CPNE8: variants seen among roughly 807,000 people sequenced by gnomAD.
CPNE8 encodes copine-8.
A neutral mutation model predicts 81.5 loss-of-function variants in CPNE8; 45 were observed. The ratio of observed to expected loss-of-function variants is 0.55; its 90% CI spans 0.44 to 0.71. CPNE8 has a LOEUF of 0.71. Among genes scored for constraint, CPNE8 ranks in the 30% least tolerant of loss-of-function variants. CPNE8 has a pLI of 0.00. For missense variants in CPNE8, 594 were observed against 672.1 expected, an observed-to-expected ratio of 0.88 and a Z score of 1.28; for synonymous variants, 252 against 226.3, an observed-to-expected ratio of 1.11 and a Z score of -1.02.
intron 15 of CPNE8, among the ~76,000 whole-genome samples, chr12:38,691,311 C>A (rs1036420322): frequency 6.6e-6 from 1 of 152,028 alleles, no homozygotes; most frequent in African/African-American, 2.4e-5. Context: ...CTTTTCTCAC[C>A]GTTGGTAATG....
At chr12:38,883,855 G>C (rs964501960) in intron 1 of CPNE8, among the ~76,000 whole-genome samples, 1 of 152,116 alleles carries the variant, frequency 6.6e-6, no homozygotes, top group East Asian at 1.9e-4. Flanking sequence ...ATATTCTGTT[G>C]ACAGTGTCTA....
intron 6 of CPNE8, among the ~76,000 whole-genome samples, chr12:38,805,653 G>C: frequency 1.8e-5 from 1 of 56,166 alleles, no homozygotes; most frequent in East Asian, 1.2e-3. Context: ...CTAAAACTTA[G>C]AGTATAATAA....
intron 1 of CPNE8, among the ~76,000 whole-genome samples, chr12:38,894,774 G>A (rs1472731185): frequency 6.6e-6 from 1 of 151,340 alleles, no homozygotes; most frequent in Non-Finnish European, 1.5e-5. Flanking sequence ...AAAAATGTTT[G>A]TGTTACTTTC....
chr12:38,888,801 T>C (rs1299878597), intron 1 of CPNE8, among the ~76,000 whole-genome samples: 1 of 152,224 alleles, frequency 6.6e-6, no homozygotes, highest in East Asian at 1.9e-4. Flanking sequence ...GCATAGGCAA[T>C]TGCTTCGCTA....
intron 6 of CPNE8, among the ~76,000 whole-genome samples, chr12:38,787,097 C>T (rs1170169839): frequency 6.6e-6 from 1 of 152,032 alleles, no homozygotes; most frequent in Non-Finnish European, 1.5e-5. Flanking sequence ...TATAGATAGA[C>T]CAAATGAACC....
chr12:38,897,639 T>A (rs1479490283), intron 1 of CPNE8, among the ~76,000 whole-genome samples: 1 of 150,336 alleles, frequency 6.7e-6, no homozygotes, highest in African/African-American at 2.4e-5. Flanking sequence ...ACACTATTAA[T>A]ATATTACATA....
intron 6 of CPNE8, among the ~76,000 whole-genome samples, chr12:38,816,892 G>C (rs1943033028): frequency 2.0e-5 from 3 of 152,166 alleles, no homozygotes; most frequent in Admixed American, 1.3e-4. Flanking sequence ...ACAGTGAAAT[G>C]TCAAGATTAT....
rs185830312 is a variant in CPNE8 at position 38,722,587 on chromosome 12, G to A, written c.914+1185C>T. The stretch of plus-strand genomic sequence containing the variant: ...GAATCATAATTAGGAAGAGGTTTAC[G>A]TGAGTGATATCTCTGACTGTTATTC... On this transcript the variant is annotated intron_variant, in intron 13 of 19. Coordinates refer to ENST00000331366, the MANE Select transcript of CPNE8 (RefSeq NM_153634.3). Among the ~76,000 whole-genome samples the A allele has an allele frequency of 1.4e-4, 21 of 152,280 alleles. No homozygotes were observed. In the East Asian group the frequency reaches 3.7e-3, roughly 27 times the overall value.
intron 3 of CPNE8, among the ~76,000 whole-genome samples, chr12:38,858,915 C>T (rs1221901212): frequency 6.6e-6 from 1 of 152,148 alleles, no homozygotes; most frequent in Non-Finnish European, 1.5e-5. Flanking sequence ...ATTCTACAAC[C>T]TTTCTTGATG....
chr12:38,672,175 C>T (rs1349201866), intron 18 of CPNE8, among the ~76,000 whole-genome samples: 1 of 152,140 alleles, frequency 6.6e-6, no homozygotes, highest in Non-Finnish European at 1.5e-5. Context: ...TTACCCTATA[C>T]ACATGCTAAA....
intron 10 of CPNE8, among the ~76,000 whole-genome samples, chr12:38,730,991 T>C (rs1450000303): frequency 6.6e-6 from 1 of 151,862 alleles, no homozygotes; most frequent in Non-Finnish European, 1.5e-5. Context: ...TGAGTAAACA[T>C]GTATTAGTTC....
chr12:38,757,041 A>T (rs927894888), intron 10 of CPNE8, among the ~76,000 whole-genome samples: 4 of 152,186 alleles, frequency 2.6e-5, no homozygotes, highest in Non-Finnish European at 4.4e-5. Flanking sequence ...TTACTTTGTA[A>T]TGTTATCACT....
At chr12:38,706,020 C>G (rs940587012) in intron 13 of CPNE8, among the ~76,000 whole-genome samples, 2 of 151,964 alleles carry the variant, frequency 1.3e-5, no homozygotes, top group African/African-American at 4.8e-5. Context: ...AGAGAAGATA[C>G]TATCATCCTC....
chr12:38,732,282 T>C (rs1940849913), intron 10 of CPNE8, among the ~76,000 whole-genome samples: 1 of 151,980 alleles, frequency 6.6e-6, no homozygotes. Flanking sequence ...GATAATTCAC[T>C]GGTCTTGAGT....
intron 10 of CPNE8, among the ~76,000 whole-genome samples, chr12:38,732,444 C>A (rs947194322): frequency 6.6e-6 from 1 of 151,912 alleles, no homozygotes; most frequent in African/African-American, 2.4e-5. Context: ...ATATTTGGTT[C>A]TCTTTTGTTC....
intron 11 of CPNE8, among the ~76,000 whole-genome samples, chr12:38,729,160 C>T (rs1297340881): frequency 6.6e-6 from 1 of 152,056 alleles, no homozygotes; most frequent in African/African-American, 2.4e-5. Flanking sequence ...AACTAGTGTG[C>T]ATGTGTGGTT....
chr12:38,793,329 T>TACACACACAC (rs55794135), intron 6 of CPNE8, among the ~76,000 whole-genome samples: 2 of 149,060 alleles, frequency 1.3e-5, no homozygotes, highest in East Asian at 2.0e-4. Flanking sequence ...TTCTAAAAAT[T>TACACACACAC]ACACACACAC....
rs879797101 is a variant in CPNE8, at chr12:38,900,709, T to TCA, written c.98+4727_98+4728insTG. The stretch of plus-strand genomic sequence containing the variant: ...GCTCACACTTTGGGACTGTACCTTT[T>TCA]ATAAGTATTTTTTAGCCGTATTTCT... On this transcript the variant is annotated intron_variant, in intron 1 of 19. Coordinates refer to ENST00000331366, the MANE Select transcript of CPNE8 (RefSeq NM_153634.3). 4.0e-3 allele frequency among the ~76,000 whole-genome samples: 611 copies of TCA among 152,276 alleles called. 3 individuals are homozygous for TCA. Among genetic ancestry groups the TCA allele is most frequent in the Middle Eastern group, 0.017 (5 of 294 alleles).
chr12:38,861,394 TC>T (rs1327211220), intron 3 of CPNE8, among the ~76,000 whole-genome samples: 2 of 151,784 alleles, frequency 1.3e-5, no homozygotes, highest in South Asian at 2.1e-4. Context: ...TAAAGAAAAA[TC>T]AAAGCAAAGC....
Sources: gnomAD v4.1 joint callset for allele counts (sites outside exome capture counted in the v4.1 genomes callset) on GRCh38, gnomAD v4.1.1 for gene constraint, MANE v1.5 for transcripts, NCBI Gene and HGNC (gene_info 2026-07-23, HGNC 2026-07-21) for gene names.